Variants in CYTH1 observed in about 807,000 individuals in gnomAD.
CYTH1 encodes cytohesin 1.
In CYTH1, 18 loss-of-function variants were observed where a neutral mutation model predicts 61.8. The observed-to-expected ratio is 0.29, with a 90% CI of 0.20 to 0.43. The LOEUF (loss-of-function observed/expected upper bound fraction) is 0.43. Ranked by LOEUF, CYTH1 falls within the 20% of genes least tolerant of loss-of-function variation. The pLI is 1.00. For synonymous variants in CYTH1, 174 were observed against 184.3 expected, an observed-to-expected ratio of 0.94 and a Z score of 0.45; for missense variants, 336 against 510.5, an observed-to-expected ratio of 0.66 and a Z score of 3.29.
intron 1 of CYTH1, among the ~76,000 whole-genome samples, chr17:78,759,986 T>C (rs1356659836): frequency 6.6e-6 from 1 of 152,190 alleles, no homozygotes; most frequent in East Asian, 1.9e-4. Flanking sequence ...TATGTACGTA[T>C]TTATTCATTC....
chr17:78,780,953 T>C (rs2093514679), intron 1 of CYTH1, among the ~76,000 whole-genome samples: 1 of 152,018 alleles, frequency 6.6e-6, no homozygotes, highest in African/African-American at 2.4e-5. Context: ...GAGGTTGCAG[T>C]GAGCCGAGAT....
chr17:78,696,097 C>T (rs1272799328), intron 9 of CYTH1, 88 bp from the exon 10 acceptor site: 1 of 1,355,020 alleles, frequency 7.4e-7, no homozygotes, highest in Non-Finnish European at 9.8e-7. Context: ...AGAAATTAAA[C>T]CCGATTCCTT....
At chr17:78,755,413 G>A (rs7226356) in intron 1 of CYTH1, among the ~76,000 whole-genome samples, 7,220 of 148,998 alleles carry the variant, frequency 0.048, 295 homozygotes, top group South Asian at 0.12. Context: ...GATTACAGGC[G>A]TGAGCCACCA....
At position 78,675,921 on chromosome 17, in the gene CYTH1, GCCC is replaced by G; in HGVS notation, c.*167_*169del. ...GGTCCTCTCTTCCCCAGTGATAACT[GCCC>G]ACCCTTCTCCCACTTAAAAAAAATA... On this transcript the variant is annotated 3_prime_UTR_variant, in exon 14 of 14. Coordinates refer to ENST00000446868, the MANE Select transcript of CYTH1 (RefSeq NM_004762.6). 1 of 1,542,056 alleles carries G rather than the reference GCCC, an allele frequency of 6.5e-7. No individual in the cohort carries two copies.
rs72141336 is a variant in CYTH1, at chr17:78,711,312, TATAC to T, written c.23-1584_23-1581del. On this transcript the variant is annotated intron_variant, in intron 1 of 13. Coordinates refer to ENST00000446868, the MANE Select transcript of CYTH1 (RefSeq NM_004762.6). ...AATAAATAAATAAATAATATATATA[TATAC>T]ACACACACACACACACACACACCAG... Among the ~76,000 whole-genome samples the T allele has an allele frequency of 8.9e-3, 1,174 of 132,098 alleles. 11 individuals are homozygous for T. The highest frequency in any genetic ancestry group is 0.03 in the South Asian group (129 of 4,328). 86.7% of individuals were successfully genotyped at this position (132,098 alleles called of 152,430 possible).
chr17:78,727,442 G>C (rs1453590569), intron 1 of CYTH1, among the ~76,000 whole-genome samples: 1 of 152,196 alleles, frequency 6.6e-6, no homozygotes, highest in Non-Finnish European at 1.5e-5. Flanking sequence ...TTCCTGCTCT[G>C]AGAAGTCCTT....
At chr17:78,727,760 C>T in intron 1 of CYTH1, 1 of 470,480 alleles carries the variant, frequency 2.1e-6, no homozygotes, top group Non-Finnish European at 4.4e-6. Context: ...TTCTTCTTCT[C>T]TGTCTTGGCT....
At chr17:78,714,150 C>T (rs996311356) in intron 1 of CYTH1, among the ~76,000 whole-genome samples, 1 of 124,472 alleles carries the variant, frequency 8.0e-6, no homozygotes, top group Non-Finnish European at 1.9e-5. Flanking sequence ...ATTAGCTGGG[C>T]GTAGCGGTGC....
chr17:78,764,981 C>A (rs554179989), intron 1 of CYTH1, among the ~76,000 whole-genome samples: 3 of 151,904 alleles, frequency 2.0e-5, no homozygotes, highest in African/African-American at 7.3e-5. Flanking sequence ...AGGAGGGGGG[C>A]ACTGGCTGCT....
chr17:78,739,384 A>C (rs1416361101), intron 1 of CYTH1, among the ~76,000 whole-genome samples: 1 of 152,222 alleles, frequency 6.6e-6, no homozygotes, highest in East Asian at 1.9e-4. Context: ...AAAGGTGGGG[A>C]AACAAGTAAG....
At chr17:78,760,414 T>C (rs1312641525) in intron 1 of CYTH1, among the ~76,000 whole-genome samples, 1 of 86,460 alleles carries the variant, frequency 1.2e-5, no homozygotes, top group Non-Finnish European at 2.2e-5. Context: ...TATGTGTATA[T>C]ATATATATAT....
intron 1 of CYTH1, among the ~76,000 whole-genome samples, chr17:78,732,515 C>T (rs2093300155): frequency 6.6e-6 from 1 of 152,212 alleles, no homozygotes; most frequent in Non-Finnish European, 1.5e-5. Flanking sequence ...CTATAAAATT[C>T]AAACCAGAGT....
At chr17:78,719,492 T>C (rs1357344717) in intron 1 of CYTH1, among the ~76,000 whole-genome samples, 4 of 152,134 alleles carry the variant, frequency 2.6e-5, no homozygotes, top group Non-Finnish European at 5.9e-5. Context: ...AAGTGGAGAA[T>C]GGCTTGGTTT....
chr17:78,751,179 G>A (rs528468127), intron 1 of CYTH1, among the ~76,000 whole-genome samples: 2 of 152,046 alleles, frequency 1.3e-5, no homozygotes, highest in South Asian at 2.1e-4. Context: ...GGGTTTCGTC[G>A]TGTTGCCCAG....
At chr17:78,741,176 T>C (rs745394740) in intron 1 of CYTH1, among the ~76,000 whole-genome samples, 48 of 152,218 alleles carry the variant, frequency 3.2e-4, no homozygotes, top group Non-Finnish European at 5.1e-4. Context: ...CTTAAATAGA[T>C]TTTAGCCTCA....
At chr17:78,754,178 C>A (rs756518889) in intron 1 of CYTH1, among the ~76,000 whole-genome samples, 1 of 152,118 alleles carries the variant, frequency 6.6e-6, no homozygotes, top group Non-Finnish European at 1.5e-5. Flanking sequence ...GAAAGGCATG[C>A]GTGTGATGCT....
chr17:78,680,144 G>T, intron 13 of CYTH1, 46 bp downstream of exon 13: 2 of 1,606,542 alleles, frequency 1.2e-6, no homozygotes, highest in South Asian at 1.1e-5. Context: ...CTGGTGAGGT[G>T]AGGGCTGCAC....
At chr17:78,716,255 T>A (rs1598874126) in intron 1 of CYTH1, among the ~76,000 whole-genome samples, 1 of 152,186 alleles carries the variant, frequency 6.6e-6, no homozygotes, top group Non-Finnish European at 1.5e-5. Flanking sequence ...TAGTGGCTGC[T>A]TTGGGGAGTG....
chr17:78,730,002 GA>G (rs2093284629), intron 1 of CYTH1, among the ~76,000 whole-genome samples: 1 of 152,142 alleles, frequency 6.6e-6, no homozygotes, highest in South Asian at 2.1e-4. Flanking sequence ...AGAAAATACA[GA>G]AATGCCCCCA....
Sources: allele counts gnomAD v4.1 joint callset (sites outside exome capture counted in the v4.1 genomes callset), GRCh38; gene constraint gnomAD v4.1.1; transcripts MANE v1.5; gene names NCBI Gene and HGNC (gene_info 2026-07-23, HGNC 2026-07-21).